The following TENM3 variants were observed in gnomAD, a reference collection of about 807,000 sequenced individuals.
The protein encoded by TENM3 is teneurin-3.
Under a neutral mutation model 255.1 loss-of-function variants are expected in TENM3, and 63 were observed. That is an observed-to-expected ratio of 0.25 (90% confidence interval 0.20 to 0.30). The LOEUF (loss-of-function observed/expected upper bound fraction) is 0.30, where lower values mean the gene tolerates loss of function less well. Among genes scored for constraint, TENM3 ranks in the 10% least tolerant of loss-of-function variants. TENM3 has a pLI of 1.00. For synonymous variants in TENM3, 1,306 were observed against 1,322.3 expected, an observed-to-expected ratio of 0.99 and a Z score of 0.27; for missense variants, 2,929 against 3,461.1, an observed-to-expected ratio of 0.85 and a Z score of 3.86.
chr4:182,436,484 C>G (rs1316303353), intron 3 of TENM3, among the ~76,000 whole-genome samples: 1 of 152,130 alleles, frequency 6.6e-6, no homozygotes, highest in Non-Finnish European at 1.5e-5. Context: ...GTGATGCGCT[C>G]TAACGTGTGT....
At chr4:182,131,309 C>T in the TENM3 span, among the ~76,000 whole-genome samples, 6 of 152,196 alleles carry the variant, frequency 3.9e-5, no homozygotes, top group East Asian at 1.9e-4. Context: ...AAATACGTTT[C>T]GCCACACTAC....
intron 12 of TENM3, among the ~76,000 whole-genome samples, chr4:182,711,271 G>A (rs1758728767): frequency 6.6e-6 from 1 of 152,082 alleles, no homozygotes; most frequent in Non-Finnish European, 1.5e-5. Flanking sequence ...CATTTGTTCT[G>A]CTCAGCTATT....
At chr4:181,806,963 GCACACAGTGTAGATACTC>G in the TENM3 span, among the ~76,000 whole-genome samples, 1 of 152,060 alleles carries the variant, frequency 6.6e-6, no homozygotes, top group African/African-American at 2.4e-5. Flanking sequence ...TCACTGTCAG[GCACACAGTGTAGATACTC>G]CATCAATTAG....
At position 182,397,171 on chromosome 4, in the gene TENM3, T is replaced by C. The variant is rs554249744; in HGVS notation, c.511+50242T>C. Among the ~76,000 whole-genome samples, 3 of 151,456 alleles carry C rather than the reference T, an allele frequency of 2.0e-5. No homozygotes were observed. In the East Asian group the frequency reaches 5.9e-4, roughly 30 times the overall value. On this transcript the variant is annotated intron_variant, in intron 3 of 27. Coordinates refer to ENST00000511685, the MANE Select transcript of TENM3 (RefSeq NM_001080477.4). ...TATAAGGATCTGGACAGGGAGACTC[T>C]GACTCAGTAAGAGAAGGAAAGTGTG...
At chr4:182,748,713 A>C (rs931244301) in intron 19 of TENM3, among the ~76,000 whole-genome samples, 1 of 152,152 alleles carries the variant, frequency 6.6e-6, no homozygotes, top group Non-Finnish European at 1.5e-5. Flanking sequence ...TTGCCATCCT[A>C]GCCTGCGCTG....
chr4:181,867,781 G>A, the TENM3 span, among the ~76,000 whole-genome samples: 2 of 152,040 alleles, frequency 1.3e-5, no homozygotes, highest in African/African-American at 4.8e-5. Flanking sequence ...CCCCTGCTTG[G>A]CAACTCTAAT....
intron 3 of TENM3, among the ~76,000 whole-genome samples, chr4:182,386,910 G>A (rs149129969): frequency 0.029 from 4,427 of 152,290 alleles, 219 homozygotes; most frequent in African/African-American, 0.097. Flanking sequence ...CAGTCCCATC[G>A]ACCGCCCAAG....
intron 22 of TENM3, among the ~76,000 whole-genome samples, chr4:182,767,649 A>T (rs1763832715): frequency 6.6e-6 from 1 of 152,278 alleles, no homozygotes. Flanking sequence ...ATATATACAC[A>T]TCACACACAT....
the TENM3 span, among the ~76,000 whole-genome samples, chr4:181,673,110 G>C: frequency 6.6e-6 from 1 of 152,192 alleles, no homozygotes; most frequent in South Asian, 2.1e-4. Flanking sequence ...ACACACAGTA[G>C]TCACTAAAGT....
chr4:182,371,093 A>C (rs1187803192), intron 3 of TENM3, among the ~76,000 whole-genome samples: 1 of 152,096 alleles, frequency 6.6e-6, no homozygotes, highest in Non-Finnish European at 1.5e-5. Context: ...CTTTCTCAAA[A>C]CTAATTAGAC....
intron 3 of TENM3, among the ~76,000 whole-genome samples, chr4:182,482,446 G>A (rs1355734058): frequency 6.6e-6 from 1 of 151,968 alleles, no homozygotes; most frequent in East Asian, 1.9e-4. Flanking sequence ...ACCACTAATT[G>A]TGATTTTAAA....
intron 3 of TENM3, among the ~76,000 whole-genome samples, chr4:182,420,423 C>T (rs1462585859): frequency 1.3e-5 from 2 of 151,966 alleles, no homozygotes; most frequent in South Asian, 2.1e-4. Context: ...CACACACACA[C>T]GAACTACACT....
intron 3 of TENM3, among the ~76,000 whole-genome samples, chr4:182,532,446 T>G (rs1739867677): frequency 6.6e-6 from 1 of 152,232 alleles, no homozygotes; most frequent in Non-Finnish European, 1.5e-5. Flanking sequence ...TTACTTTTCC[T>G]GGATTAATCG....
chr4:181,975,358 C>T, the TENM3 span: 1 of 152,060 alleles, frequency 6.6e-6, no homozygotes, highest in African/African-American at 2.4e-5. Context: ...AGCTGTTCTC[C>T]AACTCCTGAC....
intron 13 of TENM3, among the ~76,000 whole-genome samples, chr4:182,715,135 C>T (rs565623507): frequency 6.6e-6 from 1 of 152,324 alleles, no homozygotes; most frequent in South Asian, 2.1e-4. Flanking sequence ...CCGCCCACCT[C>T]GGCCTCCAAA....
At chr4:181,572,586 T>C in the TENM3 span, among the ~76,000 whole-genome samples, 11 of 152,156 alleles carry the variant, frequency 7.2e-5, no homozygotes, top group Non-Finnish European at 1.6e-4. Context: ...CCTTATTGTT[T>C]TACTTTATAT....
intron 3 of TENM3, among the ~76,000 whole-genome samples, chr4:182,564,298 C>T (rs1462877556): frequency 7.3e-6 from 1 of 136,346 alleles, no homozygotes; most frequent in Non-Finnish European, 1.7e-5. Context: ...ATGTGAAAAC[C>T]TTTCTTTAAA....
the TENM3 span, among the ~76,000 whole-genome samples, chr4:182,099,961 A>G: frequency 2.0e-5 from 3 of 152,186 alleles, no homozygotes; most frequent in Non-Finnish European, 4.4e-5. Flanking sequence ...CAGCACTTCT[A>G]AAACTCCTGT....
At chr4:181,949,508 A>T in the TENM3 span, among the ~76,000 whole-genome samples, 1 of 152,260 alleles carries the variant, frequency 6.6e-6, no homozygotes, top group Admixed American at 6.5e-5. Context: ...AATCAATTTG[A>T]AATCAGACCT....
Sources: allele counts gnomAD v4.1 joint callset (sites outside exome capture counted in the v4.1 genomes callset), GRCh38; gene constraint gnomAD v4.1.1; transcripts MANE v1.5; gene names NCBI Gene and HGNC (gene_info 2026-07-23, HGNC 2026-07-21).